SRSF4: variants seen among roughly 807,000 people sequenced by gnomAD.
SRSF4 encodes the protein serine/arginine-rich splicing factor 4.
A neutral mutation model predicts 48.8 loss-of-function variants in SRSF4; 12 were observed. The observed-to-expected ratio is 0.25, with a 90% CI of 0.16 to 0.40. The LOEUF is 0.40. SRSF4 is among the 10% of genes least tolerant of loss of function. The pLI, the probability that SRSF4 is intolerant of heterozygous loss-of-function variation, is 1.00. For synonymous variants in SRSF4, 248 were observed against 232.5 expected, an observed-to-expected ratio of 1.07 and a Z score of -0.61; for missense variants, 466 against 667.1, an observed-to-expected ratio of 0.70 and a Z score of 3.32.
intron 4 of SRSF4, among the ~76,000 whole-genome samples, chr1:29,154,295 A>T (rs1672464994): frequency 6.6e-6 from 1 of 151,454 alleles, no homozygotes; most frequent in East Asian, 2.0e-4. Context: ...GACTCCTGAC[A>T]TCAGGTGATC....
chr1:29,159,800 G>A (rs553313254), intron 2 of SRSF4: 6 of 198,394 alleles, frequency 3.0e-5, no homozygotes, highest in Admixed American at 1.1e-4. Flanking sequence ...AGTTACTGGT[G>A]TTACTCACAG....
In SRSF4 at chr1:29,162,050, A is replaced by C. The variant is rs147935237; in HGVS notation, c.108-1533T>G. Among the ~76,000 whole-genome samples, 244 of 152,332 alleles carry C rather than the reference A, an allele frequency of 1.6e-3. 2 individuals carry two copies. The highest frequency in any genetic ancestry group is 5.4e-3 in the African/African-American group (226 of 41,570). On this transcript the variant is annotated intron_variant, in intron 1 of 5. Transcript: ENST00000373795. ...TACAATGTGTAGGTAACAACGTTGG[A>C]GGGTTTTTTATGTTGAAATGTCTGA...
At chr1:29,172,874 T>C (rs1036169200) in intron 1 of SRSF4, 4 of 151,866 alleles carry the variant, frequency 2.6e-5, no homozygotes, top group African/African-American at 7.3e-5. Flanking sequence ...AAAAAAAAGG[T>C]AGACAATATA....
Position 29,181,796 on chromosome 1 carries a change from T to C in SRSF4, c.-44A>G, listed in dbSNP as rs776046378. ...GGCTGGCCCCGGCCCCAGCCCCCCT[T>C]AGGCGGCGGCGGGCAAAGCGAGAGC... On this transcript the variant is annotated 5_prime_UTR_variant, in exon 1 of 6. Coordinates refer to ENST00000373795, the MANE Select transcript of SRSF4 (RefSeq NM_005626.5). The C allele has an allele frequency of 6.7e-7, 1 of 1,498,532 alleles. No homozygotes were observed. Among genetic ancestry groups the C allele is most frequent in the Non-Finnish European group, 8.9e-7 (1 of 1,123,234 alleles). 92.8% of individuals were successfully genotyped at this position (1,498,532 alleles called of 1,614,324 possible).
chr1:29,150,016 T>C, intron 5 of SRSF4, 87 bp downstream of exon 5: 1 of 1,112,568 alleles, frequency 9.0e-7, no homozygotes, highest in Non-Finnish European at 1.3e-6. Context: ...TGACAGAGTG[T>C]CTCTTTGAAA....
intron 1 of SRSF4, chr1:29,172,103 A>G (rs1672752774): frequency 6.6e-6 from 1 of 152,110 alleles, no homozygotes; most frequent in South Asian, 2.1e-4. Flanking sequence ...AAAAAATAAT[A>G]CACTTTTTTG....
At chr1:29,157,483 G>C (rs1558388614) in intron 3 of SRSF4, among the ~76,000 whole-genome samples, 1 of 152,132 alleles carries the variant, frequency 6.6e-6, no homozygotes, top group Non-Finnish European at 1.5e-5. Context: ...CATTCCTTCA[G>C]CAAGCAGAAT....
In SRSF4 at chr1:29,148,870, C is replaced by A; in HGVS notation, c.1025G>T (p.Ser342Ile). The A allele has an allele frequency of 1.2e-6, 2 of 1,604,406 alleles. No individual in the cohort carries two copies. The highest frequency in any genetic ancestry group is 1.7e-6 in the Non-Finnish European group (2 of 1,172,486). The stretch of plus-strand genomic sequence containing the variant: ...GCTCTTGCTGCGGCTCCTGCTCCGG[C>A]TCCTGCTGCCCCCTTTGCTCCTGCT... ...SRSRSKGGSR[S>I]RSRSRSKSKD... is the part of the protein sequence containing the mutation. The change falls in exon 6 of 6, where the codon AGC (serine) becomes ATC (isoleucine). Residue 342 changes from serine to isoleucine, a missense_variant. Transcript: ENST00000373795.
intron 1 of SRSF4, 46 bp from the exon 2 acceptor site, chr1:29,160,563 C>A (rs1453286345): frequency 6.4e-7 from 1 of 1,551,876 alleles, no homozygotes; most frequent in Admixed American, 2.0e-5. Context: ...TTTTGACATC[C>A]AGCTTCACTA....
At chr1:29,163,740 C>G (rs1233762931) in intron 1 of SRSF4, among the ~76,000 whole-genome samples, 1 of 152,116 alleles carries the variant, frequency 6.6e-6, no homozygotes, top group Non-Finnish European at 1.5e-5. Context: ...AATCAAGGCA[C>G]AGAATATTAA....
intron 5 of SRSF4, 124 bp from the exon 6 acceptor site, chr1:29,149,350 A>C: frequency 8.0e-7 from 1 of 1,246,656 alleles, no homozygotes. Flanking sequence ...GCACTGGCTG[A>C]GGATTGTTTT....
At chr1:29,171,190 G>C (rs1439441406) in intron 1 of SRSF4, 1 of 151,882 alleles carries the variant, frequency 6.6e-6, no homozygotes. Flanking sequence ...CTGAGGAGGA[G>C]AATCACTAGC....
intron 3 of SRSF4, among the ~76,000 whole-genome samples, chr1:29,157,708 C>T (rs2151814927): frequency 6.6e-6 from 1 of 152,254 alleles, no homozygotes; most frequent in Admixed American, 6.5e-5. Flanking sequence ...CTTTCCTGAA[C>T]CTAAATACAC....
At chr1:29,152,684 CGAG>C (rs576051949) in intron 4 of SRSF4, among the ~76,000 whole-genome samples, 2 of 152,106 alleles carry the variant, frequency 1.3e-5, no homozygotes, top group Admixed American at 1.3e-4. Context: ...TTTGGAAGGC[CGAG>C]GTGGGTGGGT....
At chr1:29,177,551 G>C (rs1672888926) in intron 1 of SRSF4, among the ~76,000 whole-genome samples, 1 of 152,136 alleles carries the variant, frequency 6.6e-6, no homozygotes. Context: ...CAAAGTGCCG[G>C]GGTTACAGGT....
At chr1:29,180,070 G>A (rs1672930866) in intron 1 of SRSF4, among the ~76,000 whole-genome samples, 1 of 152,176 alleles carries the variant, frequency 6.6e-6, no homozygotes, top group Non-Finnish European at 1.5e-5. Context: ...TAAGCCAAAT[G>A]CTTTACATTT....
intron 2 of SRSF4, 106 bp from the exon 3 acceptor site, chr1:29,159,592 A>C: frequency 1.6e-6 from 1 of 642,860 alleles, no homozygotes; most frequent in Non-Finnish European, 2.6e-6. Flanking sequence ...CACCCCAAAC[A>C]ATAGCACGTT....
chr1:29,175,317 G>A (rs1201186865), intron 1 of SRSF4, among the ~76,000 whole-genome samples: 1 of 151,946 alleles, frequency 6.6e-6, no homozygotes. Context: ...GGAGGCTGAG[G>A]CAGCAGAATC....
rs571581605 is a variant in SRSF4, at chr1:29,166,289, T to C, written c.108-5772A>G. 1.3e-4 allele frequency among the ~76,000 whole-genome samples: 20 copies of C among 152,314 alleles called. No individual in the cohort carries two copies. The East Asian group carries it at 3.9e-3, about 29-fold the overall frequency. On this transcript the variant is annotated intron_variant, in intron 1 of 5. Coordinates refer to ENST00000373795, the MANE Select transcript of SRSF4 (RefSeq NM_005626.5). ...TATGAGGTAAAAAGTCAGGACACAC[T>C]GATAGGACAGTACTAAAAAAACGGT...
Sources: allele counts gnomAD v4.1 joint callset (sites outside exome capture counted in the v4.1 genomes callset), GRCh38; gene constraint gnomAD v4.1.1; transcripts MANE v1.5; gene names NCBI Gene and HGNC (gene_info 2026-07-23, HGNC 2026-07-21).